UBR2: variants seen among roughly 807,000 people sequenced by gnomAD.
The protein encoded by UBR2 is ubiquitin protein ligase E3 component n-recognin 2, also known as E3 ubiquitin-protein ligase UBR2.
Under a neutral mutation model 247.9 loss-of-function variants are expected in UBR2, and 92 were observed. The observed-to-expected ratio is 0.37, with a 90% confidence interval of 0.31 to 0.44. The LOEUF (loss-of-function observed/expected upper bound fraction) is 0.44. Among genes scored for constraint, UBR2 ranks in the 20% least tolerant of loss-of-function variants. The probability of loss-of-function intolerance (pLI) is 1.00; values close to 1 mark genes in which losing one functional copy is unlikely to be tolerated. For missense variants in UBR2, 1,613 were observed against 2,112.6 expected (o/e 0.76, Z 4.64); for synonymous variants, 672 against 693.5 (o/e 0.97, Z 0.49).
intron 2 of UBR2, among the ~76,000 whole-genome samples, chr6:42,576,446 CAACT>C (rs1237957372): frequency 2.0e-5 from 3 of 151,788 alleles, no homozygotes; most frequent in African/African-American, 7.3e-5. Flanking sequence ...TGCTGCTGCC[CAACT>C]CTCTGCATAA....
intron 21 of UBR2, among the ~76,000 whole-genome samples, chr6:42,645,890 C>T (rs544199179): frequency 6.6e-6 from 1 of 152,222 alleles, no homozygotes; most frequent in East Asian, 1.9e-4. Context: ...ATTATAGGGT[C>T]TTTAGTACAA....
Position 42,658,221 on chromosome 6 carries a change from GA to G in UBR2, c.2983-18del, listed in dbSNP as rs762499204. On this transcript the variant is annotated intron_variant, in intron 27 of 46. Coordinates refer to ENST00000372901, the MANE Select transcript of UBR2 (RefSeq NM_001363705.2). ...GTGATCATATTTCATACAGGATACT[GA>G]TACTTTTTTTTTTGTAGACTTTTAA... is the stretch of plus-strand genomic sequence containing the variant. 13 of 1,609,398 alleles carry G rather than the reference GA, an allele frequency of 8.1e-6. No individual in the cohort carries two copies. The Admixed American group carries it at 2.2e-4, about 27-fold the overall frequency.
At chr6:42,582,277 C>T (rs1047162853) in intron 2 of UBR2, among the ~76,000 whole-genome samples, 10 of 106,126 alleles carry the variant, frequency 9.4e-5, no homozygotes, top group South Asian at 3.4e-4. Flanking sequence ...GGCGAGACTC[C>T]GTCTCAAAAA....
chr6:42,675,930 C>A, intron 38 of UBR2, 126 bp from the exon 39 acceptor site: 1 of 1,336,390 alleles, frequency 7.5e-7, no homozygotes, highest in Non-Finnish European at 9.8e-7. Flanking sequence ...GCACTCCAGC[C>A]TGGGCAACAG....
chr6:42,681,550 T>G (rs1799053089), intron 42 of UBR2, among the ~76,000 whole-genome samples: 1 of 151,302 alleles, frequency 6.6e-6, no homozygotes, highest in South Asian at 2.1e-4. Flanking sequence ...ACATACCACT[T>G]CACACCCATT....
At chr6:42,688,076 T>G in intron 44 of UBR2, 140 bp from the exon 45 acceptor site, 1 of 884,880 alleles carries the variant, frequency 1.1e-6, no homozygotes, top group Non-Finnish European at 1.8e-6. Context: ...ATTCTAGGAA[T>G]AAACTTGCAT....
Position 42,658,702 on chromosome 6 carries a change from G to C in UBR2, c.3120G>C (p.Leu1040=). ...ERKRKAEIAR[L]RREKIMAQMS... is the part of the protein sequence containing the mutation. Reference sequence around the variant, plus strand: ...AGAGAAAAGCAGAGATTGCCAGACTGCGCAGAGAAAAGATCATGGCTCAGA... The same window carrying C: ...AGAGAAAAGCAGAGATTGCCAGACTCCGCAGAGAAAAGATCATGGCTCAGA... Residue 1040 remains leucine, a synonymous_variant, in exon 29 of 47, where the codon CTG becomes CTC. Coordinates refer to ENST00000372901, the MANE Select transcript of UBR2 (RefSeq NM_001363705.2). The C allele has an allele frequency of 1.2e-6, 2 of 1,613,228 alleles. No individual in the cohort carries two copies. The highest frequency in any genetic ancestry group is 1.7e-6 in the Non-Finnish European group (2 of 1,179,778).
intron 7 of UBR2, among the ~76,000 whole-genome samples, chr6:42,607,693 TG>T (rs58808323): frequency 2.0e-5 from 2 of 98,916 alleles, no homozygotes; most frequent in African/African-American, 8.5e-5. Context: ...AGGACAGGCA[TG>T]TCCCACCACT....
At position 42,658,139 on chromosome 6, in the gene UBR2, A is replaced by C. The variant is rs1292599255; in HGVS notation, c.2982+6A>C. 6.2e-7 allele frequency: 1 copy of C among 1,613,354 alleles called. No homozygotes were observed. The highest frequency in any genetic ancestry group is 8.5e-7 in the Non-Finnish European group (1 of 1,179,620). On this transcript the variant is annotated splice_donor_region_variant and intron_variant, in intron 27 of 46. Transcript: ENST00000372901. Reference sequence around the variant, plus strand: ...TGATTCGGTGGATATTGAAGGTAAAATTTCCACATTCCTCTGCTTTTTGTG... The same window carrying C: ...TGATTCGGTGGATATTGAAGGTAAACTTTCCACATTCCTCTGCTTTTTGTG...
intron 7 of UBR2, among the ~76,000 whole-genome samples, chr6:42,611,348 C>G: frequency 6.6e-6 from 1 of 151,174 alleles, no homozygotes; most frequent in East Asian, 2.0e-4. Context: ...GTAGTCCCAG[C>G]TACTCGGGAA....
rs1420510480 is a variant in UBR2, at chr6:42,614,191, AAAAAAAAAAAAAAAC to A, written c.986-879_986-865del. On this transcript the variant is annotated intron_variant, in intron 8 of 46. Coordinates refer to ENST00000372901, the MANE Select transcript of UBR2 (RefSeq NM_001363705.2). ...GACTCTGTCTCCAAAAAAAAAAAAA[AAAAAAAAAAAAAAAC>A]TATATATATATACACACACACACAC... 3.6e-4 allele frequency among the ~76,000 whole-genome samples: 17 copies of A among 46,660 alleles called. 1 individual carries two copies. Among genetic ancestry groups the A allele is most frequent in the African/African-American group, 1.4e-3 (17 of 12,034 alleles). The allele number at this position is 46,660 out of a possible 152,430, so 30.6% of individuals were successfully genotyped here.
At chr6:42,647,417 T>TAAAAA (rs750938791) in intron 21 of UBR2, among the ~76,000 whole-genome samples, 38 of 102,164 alleles carry the variant, frequency 3.7e-4, no homozygotes, top group East Asian at 1.2e-3. Flanking sequence ...CCATCGCTAC[T>TAAAAA]AAAAAAAAAA....
intron 2 of UBR2, among the ~76,000 whole-genome samples, chr6:42,589,036 A>G (rs1315404194): frequency 6.6e-6 from 1 of 152,078 alleles, no homozygotes; most frequent in African/African-American, 2.4e-5. Context: ...GCTGGAGTGC[A>G]GTAGCGAGAT....
At chr6:42,617,691 G>C (rs1022080070) in intron 11 of UBR2, among the ~76,000 whole-genome samples, 184 bp downstream of exon 11, 1 of 152,140 alleles carries the variant, frequency 6.6e-6, no homozygotes, top group Non-Finnish European at 1.5e-5. Flanking sequence ...CATCTGGTAG[G>C]GGGGAAGTCA....
intron 42 of UBR2, among the ~76,000 whole-genome samples, chr6:42,681,440 G>C (rs759647042): frequency 2.6e-5 from 4 of 152,132 alleles, no homozygotes; most frequent in African/African-American, 9.6e-5. Flanking sequence ...TTAAAAAATA[G>C]GTAAAGGGCT....
Position 42,666,583 on chromosome 6 carries a change from C to T in UBR2, c.3881+338C>T, listed in dbSNP as rs556545994. Among the ~76,000 whole-genome samples, 14 of 152,286 alleles carry T rather than the reference C, an allele frequency of 9.2e-5. No homozygotes were observed. The South Asian group carries it at 2.9e-3, about 32-fold the overall frequency. ...AGAACCATGTGGCATGTTTAACTCT[C>T]ACCACCCTCTCCTAGTCAGCATTGC... On this transcript the variant is annotated intron_variant, in intron 34 of 46. Coordinates refer to ENST00000372901, the MANE Select transcript of UBR2 (RefSeq NM_001363705.2).
intron 6 of UBR2, 61 bp downstream of exon 6, chr6:42,605,920 G>A (rs1793668015): frequency 7.2e-7 from 1 of 1,396,986 alleles, no homozygotes; most frequent in Non-Finnish European, 9.8e-7. Context: ...GTTACTATAG[G>A]TAACTGGAGA....
intron 4 of UBR2, among the ~76,000 whole-genome samples, chr6:42,601,619 C>T (rs982008053): frequency 6.9e-6 from 1 of 145,392 alleles, no homozygotes; most frequent in African/African-American, 2.5e-5. Context: ...ACCCGGGAGG[C>T]GGACGTTACA....
intron 38 of UBR2, among the ~76,000 whole-genome samples, 178 bp downstream of exon 38, chr6:42,674,371 TTG>T (rs1798601262): frequency 6.6e-6 from 1 of 152,220 alleles, no homozygotes; most frequent in Admixed American, 6.5e-5. Context: ...GTTGAGAGAC[TTG>T]ACCTGGTTAT....
Sources: allele counts gnomAD v4.1 joint callset (sites outside exome capture counted in the v4.1 genomes callset), GRCh38; gene constraint gnomAD v4.1.1; transcripts MANE v1.5; gene names NCBI Gene and HGNC (gene_info 2026-07-23, HGNC 2026-07-21).